Variants in MICAL3 observed in about 807,000 individuals in gnomAD.
MICAL3 encodes microtubule associated monooxygenase, calponin and LIM domain containing 3, also known as [F-actin]-monooxygenase MICAL3.
In MICAL3, 62 loss-of-function variants were observed where a neutral mutation model predicts 207.4. The ratio of observed to expected loss-of-function variants is 0.30; its 90% CI spans 0.24 to 0.37. The LOEUF (loss-of-function observed/expected upper bound fraction) is 0.37. Ranked by LOEUF, MICAL3 falls within the 10% of genes least tolerant of loss-of-function variation. MICAL3 has a pLI of 1.00. For synonymous variants in MICAL3, 1,077 were observed against 1,069.3 expected (o/e 1.01, Z -0.14); for missense variants, 2,368 against 2,635.6 (o/e 0.90, Z 2.22).
chr22:17,870,684 T>A (rs991294786), intron 17 of MICAL3, among the ~76,000 whole-genome samples: 2 of 152,184 alleles, frequency 1.3e-5, no homozygotes, highest in African/African-American at 2.4e-5. Flanking sequence ...AAATGAGCTA[T>A]CCAGAGAGCA....
chr22:18,019,806 A>AT (rs34107345), intron 1 of MICAL3: 9,531 of 77,538 alleles, frequency 0.12, 1,833 homozygotes, highest in African/African-American at 0.25. Context: ...AATGCTGCTG[A>AT]TTTTTTTTTT....
chr22:17,962,552 C>A (rs1209465428), intron 1 of MICAL3, among the ~76,000 whole-genome samples: 1 of 152,126 alleles, frequency 6.6e-6, no homozygotes, highest in African/African-American at 2.4e-5. Flanking sequence ...GCGGCCAGGC[C>A]ACATCCAGGG....
intron 1 of MICAL3, among the ~76,000 whole-genome samples, chr22:17,981,470 A>G (rs1289783158): frequency 6.6e-6 from 1 of 152,242 alleles, no homozygotes; most frequent in Non-Finnish European, 1.5e-5. Flanking sequence ...TATTCACAAT[A>G]TAATGGTTAC....
intron 13 of MICAL3, 41 bp downstream of exon 13, chr22:17,888,993 C>T (rs752212163): frequency 2.1e-6 from 3 of 1,453,366 alleles, no homozygotes; most frequent in Non-Finnish European, 2.8e-6. Flanking sequence ...GGCCACAGCA[C>T]AGCAGCAGGG....
chr22:17,821,404 C>T, intron 25 of MICAL3, 23 bp downstream of exon 25: 1 of 1,537,480 alleles, frequency 6.5e-7, no homozygotes, highest in Non-Finnish European at 8.8e-7. Flanking sequence ...CTCTGTACCC[C>T]ACAGCGAGCC....
At position 17,817,302 on chromosome 22, in the gene MICAL3, C is replaced by A; in HGVS notation, c.5350+9G>T. 6.3e-7 allele frequency: 1 copy of A among 1,581,588 alleles called. No homozygotes were observed. Among genetic ancestry groups the A allele is most frequent in the Non-Finnish European group, 8.6e-7 (1 of 1,163,828 alleles). On this transcript the variant is annotated intron_variant, in intron 26 of 31. Transcript: ENST00000441493. ...CTCTGCCTGCACGCGGACCCGGCTG[C>A]TGACGCACCTGCCCTTACGACGGGA...
chr22:17,950,337 GTTTT>G (rs764642603), intron 1 of MICAL3, among the ~76,000 whole-genome samples: 3 of 89,332 alleles, frequency 3.4e-5, no homozygotes, highest in African/African-American at 7.6e-5. Context: ...TTTTGTTTTT[GTTTT>G]TTTTTTTTTT....
chr22:17,831,244 C>T (rs1922773611), intron 21 of MICAL3, among the ~76,000 whole-genome samples: 1 of 140,606 alleles, frequency 7.1e-6, no homozygotes, highest in African/African-American at 2.7e-5. Flanking sequence ...CTGCACAGGC[C>T]CAGCAAGTCC....
intron 29 of MICAL3, among the ~76,000 whole-genome samples, chr22:17,802,061 A>ATTTTT (rs35160195): frequency 2.8e-5 from 4 of 143,594 alleles, no homozygotes; most frequent in African/African-American, 1.0e-4. Flanking sequence ...AATGTAAACA[A>ATTTTT]TTTTTTTTTT....
In MICAL3 at chr22:17,953,964, A is replaced by G. The variant is rs1426563532; in HGVS notation, c.-74-47078T>C. On this transcript the variant is annotated intron_variant, in intron 1 of 31. Transcript: ENST00000441493. ...AAAAAAAAAAAAAAAAAAAAAAAAA[A>G]AAAGAAAAGAAAAAGAAAAAGAAAA... Among the ~76,000 whole-genome samples the G allele has an allele frequency of 8.9e-4, 117 of 131,772 alleles. 2 individuals are homozygous for G. The highest frequency in any genetic ancestry group is 3.2e-3 in the African/African-American group (110 of 34,686). The allele number at this position is 131,772 out of a possible 152,430, so 86.4% of individuals were successfully genotyped here. A position where few individuals can be genotyped will look rare whatever the true frequency, so the allele number is the denominator to read the frequency against.
chr22:17,813,000 A>G (rs5992850), intron 27 of MICAL3: 6,516 of 152,124 alleles, frequency 0.043, 491 homozygotes, highest in African/African-American at 0.15. Context: ...TGCGGGAGGA[A>G]AGGGGGTCCT....
intron 1 of MICAL3, among the ~76,000 whole-genome samples, chr22:17,914,019 G>A (rs1445456932): frequency 1.3e-5 from 2 of 152,158 alleles, no homozygotes; most frequent in African/African-American, 4.8e-5. Context: ...GTAAGGTAAC[G>A]AATGTAAAAT....
intron 1 of MICAL3, among the ~76,000 whole-genome samples, chr22:17,971,179 A>G (rs1244479464): frequency 6.6e-6 from 1 of 151,998 alleles, no homozygotes; most frequent in African/African-American, 2.4e-5. Context: ...CCCGTGTCAG[A>G]AAAAAAGGGG....
At chr22:17,916,052 T>C (rs1412746948) in intron 1 of MICAL3, among the ~76,000 whole-genome samples, 1 of 78,836 alleles carries the variant, frequency 1.3e-5, no homozygotes, top group Admixed American at 1.9e-4. Context: ...CGAGATCCAG[T>C]CTCAAAAAAA....
At chr22:17,829,543 G>A (rs774205450) in intron 21 of MICAL3, among the ~76,000 whole-genome samples, 106 of 152,194 alleles carry the variant, frequency 7.0e-4, no homozygotes, top group Non-Finnish European at 6.0e-4. Context: ...GGATGCACAG[G>A]ACTGAGGAAG....
intron 1 of MICAL3, among the ~76,000 whole-genome samples, chr22:17,986,717 A>G (rs1184377948): frequency 2.0e-5 from 3 of 152,170 alleles, no homozygotes; most frequent in Non-Finnish European, 4.4e-5. Flanking sequence ...TTTCTTTCCC[A>G]TAGTTCCCCT....
Position 17,906,618 on chromosome 22 carries a change from G to C in MICAL3, c.195C>G (p.Leu65=). Reference sequence around the variant, plus strand: ...TGCCCCGTTTGTCCAATTTTGCCCAGAGGGCTTTGGCTTTCCAGTAGTTAA... The same window carrying C: ...TGCCCCGTTTGTCCAATTTTGCCCACAGGGCTTTGGCTTTCCAGTAGTTAA... ...SKLNYWKAKA[L]WAKLDKRGSH... is the part of the protein sequence containing the mutation. The change falls in exon 2 of 32, where the codon CTC becomes CTG. Residue 65 remains leucine (L), a synonymous_variant. Coordinates refer to ENST00000441493, the MANE Select transcript of MICAL3 (RefSeq NM_015241.3). 1 of 1,613,928 alleles carries C rather than the reference G, an allele frequency of 6.2e-7. No homozygotes were observed.
chr22:17,979,282 C>T (rs1384321978), intron 1 of MICAL3, among the ~76,000 whole-genome samples: 2 of 151,672 alleles, frequency 1.3e-5, no homozygotes, highest in Non-Finnish European at 2.9e-5. Context: ...CAGTGGCTCA[C>T]GCCTGTAATC....
At chr22:17,850,322 G>C (rs1452424274) in intron 19 of MICAL3, among the ~76,000 whole-genome samples, 2 of 151,948 alleles carry the variant, frequency 1.3e-5, no homozygotes, top group African/African-American at 4.8e-5. Context: ...ACACCGCTAG[G>C]GGGGACAAGA....
Sources: allele counts gnomAD v4.1 joint callset (sites outside exome capture counted in the v4.1 genomes callset), GRCh38; gene constraint gnomAD v4.1.1; transcripts MANE v1.5; gene names NCBI Gene and HGNC (gene_info 2026-07-23, HGNC 2026-07-21).